Variants in HS6ST3 observed in about 807,000 individuals in gnomAD.
HS6ST3 encodes the protein heparan-sulfate 6-O-sulfotransferase 3.
A neutral mutation model predicts 36.7 loss-of-function variants in HS6ST3; 12 were observed. The observed-to-expected ratio is 0.33, with a 90% CI of 0.21 to 0.53. The LOEUF is 0.53. Among genes scored for constraint, HS6ST3 ranks in the 20% least tolerant of loss-of-function variants. HS6ST3 has a pLI of 0.95. For synonymous variants in HS6ST3, 240 were observed against 257.5 expected (o/e 0.93, Z 0.65); for missense variants, 584 against 640.9 (o/e 0.91, Z 0.96).
intron 1 of HS6ST3, among the ~76,000 whole-genome samples, chr13:96,304,930 C>T (rs560368572): frequency 2.0e-5 from 3 of 151,768 alleles, no homozygotes; most frequent in East Asian, 3.9e-4. Flanking sequence ...AGGCTGGTCT[C>T]GAACTTAACC....
At chr13:96,541,420 A>G (rs1440733488) in intron 1 of HS6ST3, among the ~76,000 whole-genome samples, 1 of 152,186 alleles carries the variant, frequency 6.6e-6, no homozygotes, top group Non-Finnish European at 1.5e-5. Flanking sequence ...GCTGATTAGT[A>G]CAAAAAACAG....
chr13:96,363,398 T>C (rs2055248735), intron 1 of HS6ST3, among the ~76,000 whole-genome samples: 1 of 151,972 alleles, frequency 6.6e-6, no homozygotes, highest in African/African-American at 2.4e-5. Flanking sequence ...TAAGCCTTCA[T>C]TGACAGGGAC....
intron 1 of HS6ST3, among the ~76,000 whole-genome samples, chr13:96,397,030 C>T (rs569467497): frequency 1.4e-4 from 21 of 152,140 alleles, no homozygotes; most frequent in African/African-American, 4.8e-4. Context: ...ATGGTAAAAC[C>T]CTGTCTCTAC....
chr13:96,421,887 G>A (rs990797745), intron 1 of HS6ST3, among the ~76,000 whole-genome samples: 2 of 152,148 alleles, frequency 1.3e-5, no homozygotes, highest in African/African-American at 4.8e-5. Flanking sequence ...TATTTGGCAT[G>A]TAGATAAGTA....
intron 1 of HS6ST3, among the ~76,000 whole-genome samples, chr13:96,777,120 G>A (rs182127107): frequency 1.2e-3 from 184 of 152,150 alleles, no homozygotes; most frequent in African/African-American, 4.1e-3. Context: ...ATGCAGAAAA[G>A]GCCTTCAATA....
At chr13:96,516,240 A>G (rs533137417) in intron 1 of HS6ST3, among the ~76,000 whole-genome samples, 1 of 151,560 alleles carries the variant, frequency 6.6e-6, no homozygotes, top group South Asian at 2.1e-4. Flanking sequence ...TTTTTTCTGT[A>G]TTTTTAGTAG....
At chr13:96,587,990 A>G (rs888590054) in intron 1 of HS6ST3, among the ~76,000 whole-genome samples, 5 of 152,034 alleles carry the variant, frequency 3.3e-5, no homozygotes, top group South Asian at 2.1e-4. Context: ...ATTTATTTCT[A>G]ATTGTTTTAT....
intron 1 of HS6ST3, among the ~76,000 whole-genome samples, chr13:96,526,987 G>T (rs1350461748): frequency 6.6e-6 from 1 of 151,924 alleles, no homozygotes; most frequent in Non-Finnish European, 1.5e-5. Flanking sequence ...TAATATTTTA[G>T]GTATATTGAA....
intron 1 of HS6ST3, among the ~76,000 whole-genome samples, chr13:96,159,683 A>G (rs2054127211): frequency 6.6e-6 from 1 of 152,376 alleles, no homozygotes; most frequent in East Asian, 1.9e-4. Context: ...ATACCTTGGT[A>G]AGAAAAAAGC....
At chr13:96,232,105 GA>G (rs1292313787) in intron 1 of HS6ST3, among the ~76,000 whole-genome samples, 1 of 152,174 alleles carries the variant, frequency 6.6e-6, no homozygotes, top group Non-Finnish European at 1.5e-5. Flanking sequence ...ACATAGCCTG[GA>G]GAGGGTGTTA....
intron 1 of HS6ST3, among the ~76,000 whole-genome samples, chr13:96,830,433 T>G (rs1878753741): frequency 6.6e-6 from 1 of 152,218 alleles, no homozygotes; most frequent in African/African-American, 2.4e-5. Context: ...TTTGAAAAAC[T>G]ATGACAATGC....
intron 1 of HS6ST3, among the ~76,000 whole-genome samples, chr13:96,400,523 G>A (rs964066254): frequency 1.3e-5 from 2 of 152,150 alleles, no homozygotes; most frequent in Admixed American, 6.5e-5. Context: ...GATATAATTA[G>A]AGAGGTGATA....
At chr13:96,768,067 T>C (rs532612657) in intron 1 of HS6ST3, among the ~76,000 whole-genome samples, 1 of 152,288 alleles carries the variant, frequency 6.6e-6, no homozygotes, top group African/African-American at 2.4e-5. Context: ...TGTTTTCTTT[T>C]CTGTCTTCTC....
At chr13:96,534,058 C>T (rs546430011) in intron 1 of HS6ST3, among the ~76,000 whole-genome samples, 1 of 152,332 alleles carries the variant, frequency 6.6e-6, no homozygotes, top group African/African-American at 2.4e-5. Flanking sequence ...TCTCTAGCAT[C>T]ACACATTATT....
intron 1 of HS6ST3, among the ~76,000 whole-genome samples, chr13:96,423,859 C>T (rs530963062): frequency 1.1e-4 from 16 of 152,240 alleles, no homozygotes; most frequent in African/African-American, 3.1e-4. Context: ...AGGTCACTGC[C>T]GTATTCTAGG....
chr13:96,336,203 A>C (rs572397651), intron 1 of HS6ST3, among the ~76,000 whole-genome samples: 3 of 152,334 alleles, frequency 2.0e-5, no homozygotes, highest in African/African-American at 7.2e-5. Context: ...TAAGACTTTT[A>C]ACAGAAAAGT....
intron 1 of HS6ST3, among the ~76,000 whole-genome samples, chr13:96,821,971 T>A (rs1481098822): frequency 1.3e-5 from 2 of 152,246 alleles, no homozygotes; most frequent in East Asian, 3.8e-4. Flanking sequence ...ATTTACTTCT[T>A]TTCCTGTCCA....
At chr13:96,098,610 C>G (rs2139293480) in intron 1 of HS6ST3, among the ~76,000 whole-genome samples, 1 of 152,100 alleles carries the variant, frequency 6.6e-6, no homozygotes, top group East Asian at 1.9e-4. Context: ...TCTCTTGAGC[C>G]CAGGAGTTCG....
intron 1 of HS6ST3, among the ~76,000 whole-genome samples, chr13:96,405,443 G>A (rs2055472771): frequency 6.6e-6 from 1 of 152,092 alleles, no homozygotes; most frequent in Admixed American, 6.6e-5. Flanking sequence ...TGGAAGGAAA[G>A]GTCCTTATCT....
Sources: gnomAD v4.1 joint callset for allele counts (sites outside exome capture counted in the v4.1 genomes callset) on GRCh38, gnomAD v4.1.1 for gene constraint, MANE v1.5 for transcripts, NCBI Gene and HGNC (gene_info 2026-07-23, HGNC 2026-07-21) for gene names.